The following MYT1L variants were observed in gnomAD, a reference collection of about 807,000 sequenced individuals.
The protein encoded by MYT1L is myelin transcription factor 1 like.
A neutral mutation model predicts 126.7 loss-of-function variants in MYT1L; 12 were observed. The observed-to-expected ratio is 0.09, with a 90% confidence interval of 0.06 to 0.15. The LOEUF (loss-of-function observed/expected upper bound fraction) is 0.15. MYT1L is among the 10% of genes least tolerant of loss of function. MYT1L has a pLI of 1.00. For missense variants in MYT1L, 979 were observed against 1,585.2 expected (o/e 0.62, Z 6.49); for synonymous variants, 541 against 604.2 (o/e 0.90, Z 1.53).
At chr2:1,882,177 C>T (rs1249693413) in intron 18 of MYT1L, among the ~76,000 whole-genome samples, 1 of 152,158 alleles carries the variant, frequency 6.6e-6, no homozygotes, top group African/African-American at 2.4e-5. Flanking sequence ...AAGCGGGTAC[C>T]ACCACAGATC....
chr2:2,180,442 A>G (rs1212619102), intron 2 of MYT1L, among the ~76,000 whole-genome samples: 1 of 151,802 alleles, frequency 6.6e-6, no homozygotes, highest in East Asian at 1.9e-4. Context: ...GTGCTACCTT[A>G]GGAGTGAGTG....
intron 18 of MYT1L, among the ~76,000 whole-genome samples, chr2:1,862,679 C>T (rs1459013557): frequency 6.6e-6 from 1 of 152,220 alleles, no homozygotes; most frequent in Non-Finnish European, 1.5e-5. Flanking sequence ...ACACTGTCCT[C>T]TGCTTCTCAT....
intron 5 of MYT1L, among the ~76,000 whole-genome samples, chr2:1,984,850 G>A (rs1349258072): frequency 6.6e-6 from 1 of 152,128 alleles, no homozygotes. Context: ...CATAAACTCA[G>A]TAAAATCCCT....
At chr2:2,322,620 C>T (rs113829013) in intron 1 of MYT1L, among the ~76,000 whole-genome samples, 292 of 151,298 alleles carry the variant, frequency 1.9e-3, no homozygotes, top group African/African-American at 6.5e-3. Context: ...AATAGCTGGG[C>T]TCCACCTTTG....
intron 18 of MYT1L, among the ~76,000 whole-genome samples, chr2:1,883,668 G>C (rs2047845576): frequency 6.6e-6 from 1 of 152,148 alleles, no homozygotes; most frequent in Non-Finnish European, 1.5e-5. Context: ...GGCATACAAG[G>C]TGACGGTGAA....
At chr2:1,833,790 C>T (rs751346603) in intron 21 of MYT1L, among the ~76,000 whole-genome samples, 15 of 152,222 alleles carry the variant, frequency 9.9e-5, no homozygotes, top group Non-Finnish European at 2.1e-4. Flanking sequence ...ATTTCTCTTA[C>T]ATCAGTTCTG....
chr2:1,922,147 T>C lies in MYT1L; in HGVS notation c.1483+139A>G. 8.6e-7 allele frequency: 1 copy of C among 1,161,534 alleles called. No individual in the cohort carries two copies. The highest frequency in any genetic ancestry group is 1.2e-6 in the Non-Finnish European group (1 of 841,976). 72.0% of individuals were successfully genotyped at this position (1,161,534 alleles called of 1,614,324 possible). A position where few individuals can be genotyped will look rare whatever the true frequency, so the allele number is the denominator to read the frequency against. ...TTGTCAGAAACGTAATCACAAAATA[T>C]CCTTCTGGAATCAACTCTAAGAATG... On this transcript the variant is annotated intron_variant, in intron 10 of 24. Coordinates refer to ENST00000647738, the MANE Select transcript of MYT1L (RefSeq NM_001303052.2). This position sits in a 1 kb window ranked among gnomAD's most constrained non-coding sequence, Gnocchi z 7.4.
At chr2:2,167,120 T>C (rs186595593) in intron 3 of MYT1L, among the ~76,000 whole-genome samples, 1 of 152,190 alleles carries the variant, frequency 6.6e-6, no homozygotes, top group Non-Finnish European at 1.5e-5. Flanking sequence ...AAAGGGCTGG[T>C]GCTTCTTGCC....
intron 18 of MYT1L, among the ~76,000 whole-genome samples, chr2:1,865,948 GC>G: frequency 6.6e-6 from 1 of 152,300 alleles, no homozygotes. Flanking sequence ...TCAGGAATTT[GC>G]CCATGGCAAG....
intron 8 of MYT1L, among the ~76,000 whole-genome samples, chr2:1,977,448 A>C (rs963282445): frequency 6.6e-6 from 1 of 152,236 alleles, no homozygotes; most frequent in Non-Finnish European, 1.5e-5. Flanking sequence ...TTTTTCCTGC[A>C]AAACTATGGC....
chr2:2,037,551 T>C (rs1424473263), intron 4 of MYT1L, among the ~76,000 whole-genome samples: 1 of 151,024 alleles, frequency 6.6e-6, no homozygotes, highest in Non-Finnish European at 1.5e-5. Context: ...AAGTCAGGAG[T>C]TTAAGACCAG....
intron 1 of MYT1L, among the ~76,000 whole-genome samples, chr2:2,316,444 C>G (rs186786221): frequency 2.0e-5 from 3 of 152,320 alleles, no homozygotes; most frequent in African/African-American, 7.2e-5. Flanking sequence ...ACCCTAAATA[C>G]TGCCTTTAAA....
intron 4 of MYT1L, among the ~76,000 whole-genome samples, chr2:2,047,489 T>G (rs2068331591): frequency 6.6e-6 from 1 of 152,202 alleles, no homozygotes; most frequent in South Asian, 2.1e-4. Flanking sequence ...ACATGAGAAT[T>G]CTCCTTCACA....
At chr2:2,060,520 C>T (rs1211142435) in intron 3 of MYT1L, among the ~76,000 whole-genome samples, 2 of 152,102 alleles carry the variant, frequency 1.3e-5, no homozygotes, top group East Asian at 3.9e-4. Flanking sequence ...AAGAGACAGA[C>T]TGAAATTTAA....
intron 2 of MYT1L, among the ~76,000 whole-genome samples, chr2:2,226,995 C>A (rs1055981298): frequency 2.0e-5 from 3 of 152,136 alleles, no homozygotes; most frequent in African/African-American, 7.2e-5. Flanking sequence ...GACTTTTGAA[C>A]AATAGGGAAT....
At chr2:1,989,479 C>T (rs1174071154) in intron 5 of MYT1L, among the ~76,000 whole-genome samples, 1 of 152,136 alleles carries the variant, frequency 6.6e-6, no homozygotes, top group Non-Finnish European at 1.5e-5. Context: ...TGGCACAGGG[C>T]AGTGGCTGGA....
rs141273248 is a variant in MYT1L at position 2,189,605 on chromosome 2, C to T, written c.-420-16617G>A. 3.3e-5 allele frequency among the ~76,000 whole-genome samples: 5 copies of T among 152,104 alleles called. No homozygotes were observed. In the East Asian group the frequency reaches 9.7e-4, roughly 29 times the overall value. On this transcript the variant is annotated intron_variant, in intron 2 of 24. Transcript: ENST00000647738. ...AAAAATATTTTTAATAACTAAAAAG[C>T]AAATAATGTTTTAAAATATCTTAGT...
chr2:2,072,972 G>A (rs1029492580), intron 3 of MYT1L, among the ~76,000 whole-genome samples: 28 of 152,248 alleles, frequency 1.8e-4, no homozygotes, highest in Admixed American at 1.7e-3. Context: ...GTTTGGGCAG[G>A]TTTGGTATCT....
intron 21 of MYT1L, among the ~76,000 whole-genome samples, chr2:1,815,358 C>T (rs934643815): frequency 3.4e-4 from 51 of 152,150 alleles, no homozygotes; most frequent in African/African-American, 1.2e-3. Context: ...GCTGGGGTCC[C>T]TCCCTGCTCC....
Sources: gnomAD v4.1 joint callset for allele counts (sites outside exome capture counted in the v4.1 genomes callset) on GRCh38, gnomAD v4.1.1 for gene constraint, Gnocchi (gnomAD v3.1) non-coding constraint, MANE v1.5 for transcripts, NCBI Gene and HGNC (gene_info 2026-07-23, HGNC 2026-07-21) for gene names.